PCBP3: variants seen among roughly 807,000 people sequenced by gnomAD.
PCBP3 encodes the protein poly(rC)-binding protein 3.
A neutral mutation model predicts 52.7 loss-of-function variants in PCBP3; 25 were observed. The ratio of observed to expected loss-of-function variants is 0.47; its 90% confidence interval spans 0.35 to 0.66. The LOEUF is 0.66. PCBP3 is among the 30% of genes least tolerant of loss of function. The probability of loss-of-function intolerance (pLI) is 0.01; values close to 1 mark genes in which losing one functional copy is unlikely to be tolerated. For synonymous variants in PCBP3, 162 were observed against 183.0 expected (o/e 0.89, Z 0.93); for missense variants, 391 against 490.3 (o/e 0.80, Z 1.91).
At chr21:45,858,171 G>T (rs974578685) in intron 5 of PCBP3, among the ~76,000 whole-genome samples, 8 of 152,242 alleles carry the variant, frequency 5.3e-5, no homozygotes, top group Admixed American at 5.2e-4. Flanking sequence ...CAAGGTTGAG[G>T]ACTCGCCAGG....
intron 5 of PCBP3, among the ~76,000 whole-genome samples, chr21:45,891,033 T>C (rs1359356852): frequency 6.6e-6 from 1 of 151,416 alleles, no homozygotes. Flanking sequence ...GAGGGGAATG[T>C]AGATAATAGA....
At chr21:45,725,182 G>A (rs1046436392) in intron 2 of PCBP3, among the ~76,000 whole-genome samples, 1 of 152,312 alleles carries the variant, frequency 6.6e-6, no homozygotes, top group South Asian at 2.1e-4. Context: ...GCTGCGGTGC[G>A]TTGGCTGGGT....
intron 12 of PCBP3, chr21:45,915,971 G>A (rs1350500821): frequency 6.6e-6 from 1 of 152,312 alleles, no homozygotes; most frequent in East Asian, 1.9e-4. Context: ...TTTCTGTCCA[G>A]TTGGAGAAAT....
intron 1 of PCBP3, among the ~76,000 whole-genome samples, chr21:45,659,597 C>T (rs8128153): frequency 0.31 from 47,780 of 151,988 alleles, 8,913 homozygotes; most frequent in East Asian, 0.67. Flanking sequence ...GCAGTCCTCC[C>T]GCTATGGCCT....
intron 4 of PCBP3, among the ~76,000 whole-genome samples, chr21:45,759,290 T>C (rs964169703): frequency 6.6e-6 from 1 of 152,234 alleles, no homozygotes; most frequent in African/African-American, 2.4e-5. Flanking sequence ...AATTTGGGCC[T>C]GGAGTTTCTT....
At chr21:45,646,863 C>T (rs1263757840) in intron 1 of PCBP3, among the ~76,000 whole-genome samples, 1 of 152,226 alleles carries the variant, frequency 6.6e-6, no homozygotes, top group Non-Finnish European at 1.5e-5. Flanking sequence ...CATGTTGGTT[C>T]TCAGCCTTTC....
chr21:45,787,563 G>A (rs1016298288), intron 4 of PCBP3, among the ~76,000 whole-genome samples: 3 of 152,110 alleles, frequency 2.0e-5, no homozygotes, highest in Admixed American at 6.5e-5. Context: ...GGCCTCATCC[G>A]AGTTTTTTGG....
At chr21:45,888,733 C>A (rs1221188027) in intron 5 of PCBP3, among the ~76,000 whole-genome samples, 1 of 152,238 alleles carries the variant, frequency 6.6e-6, no homozygotes, top group African/African-American at 2.4e-5. Flanking sequence ...ATGTTCCACA[C>A]GTGGACAGTA....
intron 2 of PCBP3, among the ~76,000 whole-genome samples, chr21:45,719,786 G>A (rs2084492663): frequency 6.6e-6 from 1 of 152,234 alleles, no homozygotes; most frequent in African/African-American, 2.4e-5. Flanking sequence ...TCATAGCAGT[G>A]TGAGAATGGA....
intron 9 of PCBP3, chr21:45,901,456 C>A: frequency 3.4e-6 from 1 of 291,358 alleles, no homozygotes; most frequent in Non-Finnish European, 6.8e-6. Flanking sequence ...ACCCTTGGGC[C>A]ACACCAGCAC....
chr21:45,766,971 C>T (rs2089396428), intron 4 of PCBP3, among the ~76,000 whole-genome samples: 2 of 152,196 alleles, frequency 1.3e-5, no homozygotes. Context: ...CACTTTCACA[C>T]ACACACTCAC....
intron 5 of PCBP3, among the ~76,000 whole-genome samples, chr21:45,852,179 C>T (rs62211886): frequency 0.14 from 21,087 of 152,166 alleles, 1,621 homozygotes; most frequent in Middle Eastern, 0.28. Context: ...ATAATGTATA[C>T]GTGTATTGCA....
At chr21:45,931,947 CCG>C in intron 15 of PCBP3, among the ~76,000 whole-genome samples, 1 of 143,050 alleles carries the variant, frequency 7.0e-6, no homozygotes, top group Non-Finnish European at 1.5e-5. Context: ...GAACGAACAC[CCG>C]GGCCATGCTG....
intron 13 of PCBP3, among the ~76,000 whole-genome samples, chr21:45,922,308 C>T (rs567129713): frequency 6.6e-6 from 1 of 152,324 alleles, no homozygotes; most frequent in East Asian, 1.9e-4. Flanking sequence ...GATCCCAGCA[C>T]TTTGAGAGGC....
chr21:45,710,260 G>A (rs927828898), intron 2 of PCBP3, among the ~76,000 whole-genome samples: 4 of 152,088 alleles, frequency 2.6e-5, no homozygotes, highest in South Asian at 4.1e-4. Flanking sequence ...CCATTAACTC[G>A]TCATTTACCA....
intron 15 of PCBP3, among the ~76,000 whole-genome samples, chr21:45,932,553 ACC>A: frequency 6.6e-6 from 1 of 151,676 alleles, no homozygotes; most frequent in South Asian, 2.1e-4. Context: ...ATGAACGAAC[ACC>A]CGGGCCATGC....
In PCBP3 at chr21:45,821,533, C is replaced by T. The variant is rs1258226902; in HGVS notation, c.-125-28428C>T. On this transcript the variant is annotated intron_variant, in intron 4 of 17. Transcript: ENST00000681687. This position sits in a 1 kb window ranked among gnomAD's most constrained non-coding sequence, Gnocchi z 4.4. ...CTTCCCCTAACTCATTTCTAGAATACTCTTCCCTGCCTGCACCCTGCTGTG... is the reference window on the plus strand; with the variant it reads ...CTTCCCCTAACTCATTTCTAGAATATTCTTCCCTGCCTGCACCCTGCTGTG... Among the ~76,000 whole-genome samples, 1 of 151,954 alleles carries T rather than the reference C, an allele frequency of 6.6e-6. No homozygotes were observed. The highest frequency in any genetic ancestry group is 1.5e-5 in the Non-Finnish European group (1 of 67,980).
chr21:45,799,056 G>T (rs1259666911), intron 4 of PCBP3, among the ~76,000 whole-genome samples: 1 of 149,202 alleles, frequency 6.7e-6, no homozygotes, highest in East Asian at 2.0e-4. Flanking sequence ...TGTAGAGAGG[G>T]TGAATGCGTA....
chr21:45,664,065 C>A (rs966012537), intron 1 of PCBP3, among the ~76,000 whole-genome samples: 8 of 144,212 alleles, frequency 5.5e-5, no homozygotes, highest in Non-Finnish European at 9.0e-5. Context: ...AAAATACAAA[C>A]TCACATGTAT....
Sources: gnomAD v4.1 joint callset for allele counts (sites outside exome capture counted in the v4.1 genomes callset) on GRCh38, gnomAD v4.1.1 for gene constraint, Gnocchi (gnomAD v3.1) non-coding constraint, MANE v1.5 for transcripts, NCBI Gene and HGNC (gene_info 2026-07-23, HGNC 2026-07-21) for gene names.